Variants in NLGN1 observed in about 807,000 individuals in gnomAD.
The protein encoded by NLGN1 is neuroligin 1.
In NLGN1, 12 loss-of-function variants were observed where a neutral mutation model predicts 65.5. The observed-to-expected ratio is 0.18, with a 90% CI of 0.12 to 0.30. The LOEUF (loss-of-function observed/expected upper bound fraction) is 0.30, where lower values mean the gene tolerates loss of function less well. Among genes scored for constraint, NLGN1 ranks in the 10% least tolerant of loss-of-function variants. NLGN1 has a pLI of 1.00. For missense variants in NLGN1, 750 were observed against 1,007.1 expected (o/e 0.74, Z 3.46); for synonymous variants, 350 against 359.5 (o/e 0.97, Z 0.30).
chr3:173,846,609 C>G (rs1725842308), intron 4 of NLGN1, among the ~76,000 whole-genome samples: 1 of 152,118 alleles, frequency 6.6e-6, no homozygotes, highest in South Asian at 2.1e-4. Flanking sequence ...TGCTCCCTTT[C>G]CCACCCCCAT....
intron 2 of NLGN1, among the ~76,000 whole-genome samples, chr3:173,543,661 AT>A (rs2149239631): frequency 6.6e-6 from 1 of 152,236 alleles, no homozygotes; most frequent in East Asian, 1.9e-4. Context: ...AGAACCTTGG[AT>A]TTTTAAAAAT....
chr3:174,197,708 C>T (rs572141600), intron 4 of NLGN1, among the ~76,000 whole-genome samples: 1 of 149,196 alleles, frequency 6.7e-6, no homozygotes, highest in East Asian at 2.0e-4. Flanking sequence ...CAAAAACCCA[C>T]AGACATCCAT....
intron 3 of NLGN1, among the ~76,000 whole-genome samples, chr3:173,619,065 C>G (rs2149495566): frequency 6.6e-6 from 1 of 152,240 alleles, no homozygotes; most frequent in Middle Eastern, 3.4e-3. Flanking sequence ...CCTGCATTTT[C>G]ATTTTGTACT....
intron 4 of NLGN1, among the ~76,000 whole-genome samples, chr3:173,998,829 C>T (rs1206223618): frequency 6.6e-6 from 1 of 152,152 alleles, no homozygotes; most frequent in Non-Finnish European, 1.5e-5. Context: ...TGGTGTGATT[C>T]GGAGCTCTGC....
At chr3:174,128,788 C>T (rs1244359651) in intron 4 of NLGN1, among the ~76,000 whole-genome samples, 1 of 152,130 alleles carries the variant, frequency 6.6e-6, no homozygotes, top group Non-Finnish European at 1.5e-5. Context: ...AGATATGGTG[C>T]TGCATAAAGC....
intron 4 of NLGN1, among the ~76,000 whole-genome samples, chr3:174,029,818 G>A (rs1428562645): frequency 2.0e-5 from 3 of 152,072 alleles, no homozygotes; most frequent in Non-Finnish European, 4.4e-5. Flanking sequence ...TTATAAATGG[G>A]AGTTCCCCTG....
intron 4 of NLGN1, among the ~76,000 whole-genome samples, chr3:174,076,598 C>T (rs1378208953): frequency 6.6e-6 from 1 of 151,064 alleles, no homozygotes; most frequent in Non-Finnish European, 1.5e-5. Flanking sequence ...TTTCACAATC[C>T]AATTAAATTG....
chr3:173,801,041 A>G (rs1171408279), intron 3 of NLGN1, among the ~76,000 whole-genome samples: 1 of 151,964 alleles, frequency 6.6e-6, no homozygotes, highest in Admixed American at 6.6e-5. Flanking sequence ...CTTAGACAAG[A>G]TTCAATGAAT....
intron 4 of NLGN1, among the ~76,000 whole-genome samples, chr3:173,922,801 G>A (rs974307071): frequency 1.3e-5 from 2 of 152,110 alleles, no homozygotes; most frequent in African/African-American, 4.8e-5. Flanking sequence ...TAATGGAGTA[G>A]TGTTTGTTAG....
At chr3:173,723,121 C>T (rs956518085) in intron 3 of NLGN1, among the ~76,000 whole-genome samples, 9 of 152,068 alleles carry the variant, frequency 5.9e-5, no homozygotes, top group South Asian at 2.1e-4. Context: ...ATTTTCAAAG[C>T]GATACTTGAA....
intron 4 of NLGN1, among the ~76,000 whole-genome samples, chr3:174,033,224 G>T (rs566905416): frequency 6.6e-6 from 1 of 152,114 alleles, no homozygotes; most frequent in South Asian, 2.1e-4. Flanking sequence ...AATTAGGGAC[G>T]TCGAAAGTTA....
chr3:174,128,590 G>C (rs916650910), intron 4 of NLGN1, among the ~76,000 whole-genome samples: 1 of 152,068 alleles, frequency 6.6e-6, no homozygotes, highest in Non-Finnish European at 1.5e-5. Context: ...TTTAAAAGCA[G>C]CCCCAAAGTC....
At chr3:173,846,765 C>G (rs921858861) in intron 4 of NLGN1, among the ~76,000 whole-genome samples, 1 of 152,208 alleles carries the variant, frequency 6.6e-6, no homozygotes, top group Non-Finnish European at 1.5e-5. Context: ...TGCATGCTTA[C>G]AGTATTCACT....
chr3:173,727,443 C>A (rs957988712), intron 3 of NLGN1, among the ~76,000 whole-genome samples: 1 of 152,114 alleles, frequency 6.6e-6, no homozygotes, highest in Non-Finnish European at 1.5e-5. Flanking sequence ...AAATATCTTT[C>A]ATTATGCCTG....
At chr3:173,404,230 C>A (rs1011221331) in intron 1 of NLGN1, among the ~76,000 whole-genome samples, 1 of 152,000 alleles carries the variant, frequency 6.6e-6, no homozygotes, top group Non-Finnish European at 1.5e-5. Context: ...TATAAAGGAT[C>A]CAAAACCACA....
chr3:173,701,085 A>C (rs1578022169), intron 3 of NLGN1, among the ~76,000 whole-genome samples: 1 of 152,110 alleles, frequency 6.6e-6, no homozygotes, highest in African/African-American at 2.4e-5. Flanking sequence ...AGATCTCGCC[A>C]CCCACTGCAC....
intron 4 of NLGN1, among the ~76,000 whole-genome samples, chr3:173,989,351 A>G (rs1458799726): frequency 6.6e-6 from 1 of 152,194 alleles, no homozygotes; most frequent in Non-Finnish European, 1.5e-5. Context: ...GATAACTTTG[A>G]CCACAGAATA....
chr3:173,584,244 G>GAAA (rs78174265), intron 2 of NLGN1, among the ~76,000 whole-genome samples: 5 of 80,724 alleles, frequency 6.2e-5, no homozygotes, highest in African/African-American at 1.9e-4. Flanking sequence ...GGGGCAGAAA[G>GAAA]AAAAAAAAAA....
At chr3:173,762,967 C>T (rs548697690) in intron 3 of NLGN1, among the ~76,000 whole-genome samples, 418 of 138,724 alleles carry the variant, frequency 3.0e-3, no homozygotes, top group African/African-American at 0.012. Context: ...GTCTCTGATA[C>T]ACACACACAC....
Sources: allele counts gnomAD v4.1 joint callset (sites outside exome capture counted in the v4.1 genomes callset), GRCh38; gene constraint gnomAD v4.1.1; transcripts MANE v1.5; gene names NCBI Gene and HGNC (gene_info 2026-07-23, HGNC 2026-07-21).